LPIN2: variants seen among roughly 807,000 people sequenced by gnomAD.
The protein encoded by LPIN2 is lipin 2.
Under a neutral mutation model 111.4 loss-of-function variants are expected in LPIN2, and 55 were observed. That is an observed-to-expected ratio of 0.49 (90% CI 0.40 to 0.62). LPIN2 has a LOEUF of 0.62. Ranked by LOEUF, LPIN2 falls within the 20% of genes least tolerant of loss-of-function variation. The pLI, the probability that LPIN2 is intolerant of heterozygous loss-of-function variation, is 0.00. For synonymous variants in LPIN2, 425 were observed against 414.0 expected (o/e 1.03, Z -0.32); for missense variants, 992 against 1,112.1 (o/e 0.89, Z 1.54).
At chr18:2,929,479 G>GACAC (rs35029198) in intron 9 of LPIN2, among the ~76,000 whole-genome samples, 1 of 152,056 alleles carries the variant, frequency 6.6e-6, no homozygotes, top group Non-Finnish European at 1.5e-5. Context: ...AAGACAGACA[G>GACAC]ACACACACAC....
At chr18:2,928,948 AT>A in intron 10 of LPIN2, 116 bp downstream of exon 10, 1 of 767,180 alleles carries the variant, frequency 1.3e-6, no homozygotes, top group Non-Finnish European at 2.3e-6. Flanking sequence ...CCACTGGCTA[AT>A]TTATATGAGA....
At chr18:2,944,231 TAAA>T (rs569764451) in intron 4 of LPIN2, among the ~76,000 whole-genome samples, 1 of 139,206 alleles carries the variant, frequency 7.2e-6, no homozygotes, top group African/African-American at 2.6e-5. Flanking sequence ...TTCATGACTT[TAAA>T]AAAAAAAACT....
intron 1 of LPIN2, among the ~76,000 whole-genome samples, chr18:2,987,800 G>T (rs2078208274): frequency 6.6e-6 from 1 of 151,896 alleles, no homozygotes. Flanking sequence ...AGTGTACTTA[G>T]AATCCAGGAG....
At chr18:2,931,141 T>C (rs908731192) in intron 9 of LPIN2, 115 bp downstream of exon 9, 1 of 1,234,542 alleles carries the variant, frequency 8.1e-7, no homozygotes, top group Non-Finnish European at 1.2e-6. Context: ...ACCTGTTACC[T>C]GCACAAGATC....
At chr18:2,950,676 A>T in intron 4 of LPIN2, 1 of 274,912 alleles carries the variant, frequency 3.6e-6, no homozygotes, top group Non-Finnish European at 7.0e-6. Context: ...ACAAAACTCA[A>T]CTCCTCAGGA....
At chr18:2,974,358 C>T (rs868000331) in intron 1 of LPIN2, among the ~76,000 whole-genome samples, 2 of 152,172 alleles carry the variant, frequency 1.3e-5, no homozygotes, top group Non-Finnish European at 2.9e-5. Context: ...GATTAACAGG[C>T]GTGAGCCACC....
At position 2,920,592 on chromosome 18, in the gene LPIN2, A is replaced by G. The variant is rs575952642; in HGVS notation, c.2547-155T>C. ...TCACAGGGCTCAAACTCCCTCTTAC[A>G]AGTCTAGGATAACCAGAGACCCCTC... is the stretch of plus-strand genomic sequence containing the variant. On this transcript the variant is annotated intron_variant, in intron 19 of 19. Coordinates refer to ENST00000677752, the MANE Select transcript of LPIN2 (RefSeq NM_001375808.2). Among the ~76,000 whole-genome samples the G allele has an allele frequency of 2.0e-5, 3 of 152,244 alleles. No homozygotes were observed. In the South Asian group the frequency reaches 6.2e-4, roughly 32 times the overall value.
chr18:2,964,298 A>AG (rs1342843941), intron 1 of LPIN2, among the ~76,000 whole-genome samples: 1 of 151,154 alleles, frequency 6.6e-6, no homozygotes, highest in Non-Finnish European at 1.5e-5. Context: ...AAAAAAAAAA[A>AG]AAAAAAAGAA....
chr18:2,968,952 GACAC>G (rs1191218403), intron 1 of LPIN2, among the ~76,000 whole-genome samples: 16 of 152,184 alleles, frequency 1.1e-4, no homozygotes, highest in Non-Finnish European at 2.9e-5. Context: ...TGGTAGAAGA[GACAC>G]ACACAGGGAG....
intron 1 of LPIN2, among the ~76,000 whole-genome samples, chr18:2,963,751 G>A (rs1279185560): frequency 1.3e-5 from 2 of 151,792 alleles, no homozygotes; most frequent in Non-Finnish European, 2.9e-5. Context: ...CTATCTTGAG[G>A]CTTACGGGCA....
intron 11 of LPIN2, among the ~76,000 whole-genome samples, chr18:2,928,188 T>C (rs1295893451): frequency 6.6e-6 from 1 of 152,218 alleles, no homozygotes; most frequent in East Asian, 1.9e-4. Flanking sequence ...ATAACAGGTA[T>C]GTTAGCCACC....
At chr18:2,979,664 G>A (rs1425298484) in intron 1 of LPIN2, among the ~76,000 whole-genome samples, 1 of 152,012 alleles carries the variant, frequency 6.6e-6, no homozygotes, top group Non-Finnish European at 1.5e-5. Flanking sequence ...AACAGATGGG[G>A]GCACAAATAT....
chr18:2,992,617 A>G (rs1256822789), intron 1 of LPIN2, among the ~76,000 whole-genome samples: 1 of 152,164 alleles, frequency 6.6e-6, no homozygotes, highest in African/African-American at 2.4e-5. Flanking sequence ...TTGGGAGGCC[A>G]AGGTGGGCAG....
chr18:2,996,412 G>A (rs1294375779), intron 1 of LPIN2, among the ~76,000 whole-genome samples: 2 of 151,134 alleles, frequency 1.3e-5, no homozygotes, highest in African/African-American at 4.9e-5. Context: ...ATTTCAACAG[G>A]CATGGTGACG....
chr18:2,963,400 C>A (rs1568579706), intron 1 of LPIN2, among the ~76,000 whole-genome samples: 1 of 152,050 alleles, frequency 6.6e-6, no homozygotes, highest in African/African-American at 2.4e-5. Flanking sequence ...CAAGTCAGAC[C>A]TGTCCTGGTC....
At chr18:2,938,360 C>T (rs1002685537) in intron 6 of LPIN2, among the ~76,000 whole-genome samples, 3 of 152,058 alleles carry the variant, frequency 2.0e-5, no homozygotes, top group Admixed American at 1.3e-4. Flanking sequence ...CCTGTCTCTA[C>T]TAAAAATACA....
At chr18:2,939,450 C>G (rs761538789) in intron 6 of LPIN2, 30 bp downstream of exon 6, 2 of 1,612,304 alleles carry the variant, frequency 1.2e-6, no homozygotes, top group Admixed American at 3.3e-5. Context: ...ATCATTAACA[C>G]ACTTTCCACA....
chr18:3,005,676 T>TACTCAC (rs2078503391), intron 1 of LPIN2, among the ~76,000 whole-genome samples: 1 of 146,910 alleles, frequency 6.8e-6, no homozygotes, highest in Non-Finnish European at 1.5e-5. Context: ...GACACTATCT[T>TACTCAC]ACACACACAC....
chr18:2,934,584 C>T (rs1458835795), intron 7 of LPIN2, 134 bp from the exon 8 acceptor site: 3 of 679,476 alleles, frequency 4.4e-6, no homozygotes, highest in Non-Finnish European at 7.9e-6. Context: ...AGGTGTCAAC[C>T]AGCCTTTTTA....
Sources: allele counts gnomAD v4.1 joint callset (sites outside exome capture counted in the v4.1 genomes callset), GRCh38; gene constraint gnomAD v4.1.1; transcripts MANE v1.5; gene names NCBI Gene and HGNC (gene_info 2026-07-23, HGNC 2026-07-21).